UMAD1: variants seen among roughly 807,000 people sequenced by gnomAD.
UMAD1 encodes UBAP1-MVB12-associated (UMA) domain containing 1.
In UMAD1, 8 loss-of-function variants were observed where a neutral mutation model predicts 6.1. The ratio of observed to expected loss-of-function variants is 1.30; its 90% CI spans 0.76 to 2.35. The LOEUF is 2.35. Ranked by LOEUF, UMAD1 falls within the 30% of genes most tolerant of loss-of-function variation. The pLI is 0.00. For synonymous variants in UMAD1, 56 were observed against 31.4 expected, an observed-to-expected ratio of 1.78 and a Z score of -2.61; for missense variants, 130 against 78.4, an observed-to-expected ratio of 1.66 and a Z score of -2.49.
At chr7:7,718,126 G>A (rs1780963846) in intron 2 of UMAD1, among the ~76,000 whole-genome samples, 1 of 152,154 alleles carries the variant, frequency 6.6e-6, no homozygotes. Flanking sequence ...TTTTAGATCA[G>A]ATAAGAAAGT....
rs28914168 is a variant in UMAD1 at position 7,694,674 on chromosome 7, A to G, written c.82+21221A>G. ...CTCTGCCTGACTTATTTCACTTAAC[A>G]TAATATCTTTTTTCCATCTATGTTG... On this transcript the variant is annotated intron_variant, in intron 2 of 3. Coordinates refer to ENST00000682710, the MANE Select transcript of UMAD1 (RefSeq NM_001302348.2). Among the ~76,000 whole-genome samples the G allele has an allele frequency of 2.3e-3, 353 of 152,264 alleles. 9 individuals are homozygous for G. In the East Asian group the frequency reaches 0.063, roughly 27 times the overall value.
At chr7:7,841,314 CTT>C (rs35468754) in intron 3 of UMAD1, among the ~76,000 whole-genome samples, 45,188 of 136,332 alleles carry the variant, frequency 0.33, 7,923 homozygotes, top group Middle Eastern at 0.44. Flanking sequence ...AACAAGTGAT[CTT>C]TTTTTTTTTT....
intron 3 of UMAD1, among the ~76,000 whole-genome samples, chr7:7,846,647 A>G (rs1041711581): frequency 2.0e-5 from 3 of 152,094 alleles, no homozygotes; most frequent in African/African-American, 7.2e-5. Flanking sequence ...CTATTATAAC[A>G]TTGAATTGGA....
chr7:7,641,425 T>G (rs899242907), intron 1 of UMAD1: 1 of 152,288 alleles, frequency 6.6e-6, no homozygotes, highest in Admixed American at 6.5e-5. Flanking sequence ...TTTCCCCATC[T>G]GCAAAACGAA....
chr7:7,714,608 T>G (rs1467405156), intron 2 of UMAD1, among the ~76,000 whole-genome samples: 1 of 152,208 alleles, frequency 6.6e-6, no homozygotes, highest in Non-Finnish European at 1.5e-5. Context: ...CTTTAAATTC[T>G]CATTTGCTTT....
intron 2 of UMAD1, among the ~76,000 whole-genome samples, chr7:7,708,730 C>CT (rs1780672997): frequency 6.6e-6 from 1 of 152,076 alleles, no homozygotes; most frequent in Non-Finnish European, 1.5e-5. Context: ...TTGACTGAAA[C>CT]GAGCAACTAT....
At chr7:7,841,802 T>C (rs1359699891) in intron 3 of UMAD1, among the ~76,000 whole-genome samples, 16 of 152,164 alleles carry the variant, frequency 1.1e-4, no homozygotes, top group Non-Finnish European at 2.2e-4. Flanking sequence ...TCTCTCTTTA[T>C]ATCCAACCAG....
At chr7:7,763,741 A>G (rs1781936163) in intron 2 of UMAD1, among the ~76,000 whole-genome samples, 1 of 152,164 alleles carries the variant, frequency 6.6e-6, no homozygotes, top group Non-Finnish European at 1.5e-5. Context: ...TTACAAAAAT[A>G]GTAGAGTGAT....
In UMAD1 at chr7:7,878,028, G is replaced by A. The variant is rs1784457554; in HGVS notation, c.*490G>A. ...GTTGCCAGTTAGCTTAATTTCTTCA[G>A]ATGCATTGATGTGGAAATTTAAAAC... On this transcript the variant is annotated 3_prime_UTR_variant, in exon 4 of 4. Transcript: ENST00000682710. 1 of 157,636 alleles carries A rather than the reference G, an allele frequency of 6.3e-6. No homozygotes were observed. Among genetic ancestry groups the A allele is most frequent in the Non-Finnish European group, 1.4e-5 (1 of 71,450 alleles). 9.8% of individuals were successfully genotyped at this position (157,636 alleles called of 1,614,324 possible). A position where few individuals can be genotyped will look rare whatever the true frequency, so the allele number is the denominator to read the frequency against.
At chr7:7,684,583 A>G (rs1779994013) in intron 2 of UMAD1, among the ~76,000 whole-genome samples, 1 of 152,186 alleles carries the variant, frequency 6.6e-6, no homozygotes, top group South Asian at 2.1e-4. Flanking sequence ...ACTCATGGAT[A>G]CGGAGGGCTG....
Position 7,668,405 on chromosome 7 carries a change from GGA to G in UMAD1, c.-63-4896_-63-4895del, listed in dbSNP as rs988738140. ...ACAGTACTATAAGGTTTTAAGAGAG[GGA>G]GAGAGAGGGGGACCATATTCACATA... On this transcript the variant is annotated intron_variant, in intron 1 of 3. Coordinates refer to ENST00000682710, the MANE Select transcript of UMAD1 (RefSeq NM_001302348.2). Among the ~76,000 whole-genome samples, 8 of 152,176 alleles carry G rather than the reference GGA, an allele frequency of 5.3e-5. No homozygotes were observed. In the East Asian group the frequency reaches 1.2e-3, roughly 22 times the overall value.
At chr7:7,642,384 G>A (rs947933625) in intron 1 of UMAD1, among the ~76,000 whole-genome samples, 1 of 151,862 alleles carries the variant, frequency 6.6e-6, no homozygotes, top group African/African-American at 2.4e-5. Flanking sequence ...AAACTCCTGG[G>A]CTCAGGCGAT....
chr7:7,756,173 G>T (rs980396180), intron 2 of UMAD1, among the ~76,000 whole-genome samples: 3 of 152,164 alleles, frequency 2.0e-5, no homozygotes, highest in Non-Finnish European at 1.5e-5. Context: ...GTTGGAAAAT[G>T]AAGATAGCCT....
intron 2 of UMAD1, among the ~76,000 whole-genome samples, chr7:7,681,579 A>C (rs1779913655): frequency 6.6e-6 from 1 of 152,184 alleles, no homozygotes; most frequent in Non-Finnish European, 1.5e-5. Context: ...TCACGTAAGA[A>C]GGTAATAGCT....
chr7:7,803,116 G>T (rs534275062), intron 3 of UMAD1, among the ~76,000 whole-genome samples: 1 of 152,286 alleles, frequency 6.6e-6, no homozygotes, highest in Non-Finnish European at 1.5e-5. Context: ...GTGAAAATAG[G>T]ACACAAGGAC....
At chr7:7,730,787 A>G (rs1019206992) in intron 2 of UMAD1, among the ~76,000 whole-genome samples, 1 of 152,224 alleles carries the variant, frequency 6.6e-6, no homozygotes, top group African/African-American at 2.4e-5. Flanking sequence ...AAAGATGACA[A>G]TTTTCAAAGC....
chr7:7,843,852 C>T (rs1348917028), intron 3 of UMAD1, among the ~76,000 whole-genome samples: 3 of 152,164 alleles, frequency 2.0e-5, no homozygotes, highest in Non-Finnish European at 4.4e-5. Flanking sequence ...CTGTAATCCC[C>T]TAAAGCCATT....
At chr7:7,651,556 A>G (rs774893651) in intron 1 of UMAD1, among the ~76,000 whole-genome samples, 22 of 152,086 alleles carry the variant, frequency 1.4e-4, no homozygotes, top group Non-Finnish European at 2.1e-4. Context: ...GTATTTTTCC[A>G]TCCTCATGTT....
intron 1 of UMAD1, among the ~76,000 whole-genome samples, chr7:7,659,335 G>A (rs1053457096): frequency 6.6e-6 from 1 of 151,794 alleles, no homozygotes; most frequent in African/African-American, 2.4e-5. Flanking sequence ...GTTATTTCTT[G>A]TCTTCTGCTA....
Sources: allele counts gnomAD v4.1 joint callset (sites outside exome capture counted in the v4.1 genomes callset), GRCh38; gene constraint gnomAD v4.1.1; transcripts MANE v1.5; gene names NCBI Gene and HGNC (gene_info 2026-07-23, HGNC 2026-07-21).